Variants in CAPN3 observed in about 807,000 individuals in gnomAD.
CAPN3 encodes calpain 3, also known as calpain-3.
CAPN3 carries 88 observed loss-of-function variants against 114.0 expected under a neutral mutation model. The observed-to-expected ratio is 0.77, with a 90% confidence interval of 0.65 to 0.92. The LOEUF (loss-of-function observed/expected upper bound fraction) is 0.92, where lower values mean the gene tolerates loss of function less well. Ranked by LOEUF, CAPN3 falls within the 40% of genes least tolerant of loss-of-function variation. The pLI is 0.00. For synonymous variants in CAPN3, 386 were observed against 382.9 expected, an observed-to-expected ratio of 1.01 and a Z score of -0.09; for missense variants, 1,028 against 1,069.0, an observed-to-expected ratio of 0.96 and a Z score of 0.53.
At chr15:42,403,256 G>A (rs367582677) in intron 13 of CAPN3, among the ~76,000 whole-genome samples, 151 of 152,346 alleles carry the variant, frequency 9.9e-4, no homozygotes, top group African/African-American at 3.4e-3. Context: ...TGCCTTCATG[G>A]AGCTTAATAT....
chr15:42,360,914 A>G (rs1043769478), intron 1 of CAPN3, among the ~76,000 whole-genome samples: 1 of 152,184 alleles, frequency 6.6e-6, no homozygotes, highest in South Asian at 2.1e-4. Context: ...TTTATTGAGC[A>G]TCTACTAGTG....
intron 1 of CAPN3, among the ~76,000 whole-genome samples, chr15:42,364,587 A>G (rs1419280520): frequency 6.6e-6 from 1 of 152,174 alleles, no homozygotes; most frequent in East Asian, 1.9e-4. Flanking sequence ...TGCTCCCCTC[A>G]TGGGCAGGGG....
intron 1 of CAPN3, among the ~76,000 whole-genome samples, chr15:42,367,152 G>A (rs2407707): frequency 0.16 from 24,986 of 152,064 alleles, 2,235 homozygotes; most frequent in South Asian, 0.26. Context: ...AATTCTTTCC[G>A]AGTGCTTGTG....
rs544692239 is a variant in CAPN3, at chr15:42,409,412, G to A, written c.1992+32G>A. ...ACCTCCAAGCCCAGGACGCCCACAG[G>A]TGCTTCCTTCTCTCCTGGATTAACT... On this transcript the variant is annotated intron_variant, in intron 17 of 23. Transcript: ENST00000397163. The A allele has an allele frequency of 1.7e-4, 262 of 1,578,864 alleles. 2 individuals carry two copies. The South Asian group carries it at 2.8e-3, about 17-fold the overall frequency.
intron 1 of CAPN3, among the ~76,000 whole-genome samples, chr15:42,374,986 A>ACTTT (rs2053050804): frequency 7.5e-6 from 1 of 133,988 alleles, no homozygotes; most frequent in African/African-American, 2.8e-5. Flanking sequence ...TTTAAATAAA[A>ACTTT]ATTTATTTAT....
Position 42,390,088 on chromosome 15 carries a change from C to A in CAPN3, c.937C>A (p.Pro313Thr). 1.2e-6 allele frequency: 2 copies of A among 1,614,148 alleles called. No homozygotes were observed. The highest frequency in any genetic ancestry group is 1.7e-6 in the Non-Finnish European group (2 of 1,180,016). Residue 313 changes from proline to threonine, a missense_variant, in exon 6 of 24, where the codon CCG (proline) becomes ACG (threonine). Pro to Thr is a conservative substitution (Grantham distance 38, BLOSUM62 -1). Transcript: ENST00000397163. ...DLDPRGSDER[P>T]TRTIIPVQYE... Reference sequence around the variant, plus strand: ...CGACCCCAGAGGCTCAGATGAAAGACCGACCCGGGTGTGTACACCTCCGAT... The same window carrying A: ...CGACCCCAGAGGCTCAGATGAAAGAACGACCCGGGTGTGTACACCTCCGAT...
rs760816682 is a variant in CAPN3, at chr15:42,404,119, C to T, written c.1782+342C>T. The T allele has an allele frequency of 1.9e-4, 94 of 485,082 alleles. 1 individual carries two copies. The highest frequency in any genetic ancestry group is 1.4e-3 in the South Asian group (91 of 64,802). 30.0% of individuals were successfully genotyped at this position (485,082 alleles called of 1,614,324 possible). On this transcript the variant is annotated intron_variant, in intron 14 of 23. Coordinates refer to ENST00000397163, the MANE Select transcript of CAPN3 (RefSeq NM_000070.3). ...TCTGAGACTGGATAACATTGGATTT[C>T]ACACATAGAGAAAAGAAAGTAAGCT... is the stretch of plus-strand genomic sequence containing the variant.
intron 8 of CAPN3, among the ~76,000 whole-genome samples, chr15:42,395,069 C>T (rs1342061126): frequency 1.3e-5 from 2 of 152,136 alleles, no homozygotes; most frequent in African/African-American, 4.8e-5. Flanking sequence ...CCCCTCGGCT[C>T]CTGTACTTAT....
intron 23 of CAPN3, 59 bp from the exon 24 acceptor site, chr15:42,411,688 C>G (rs946244874): frequency 0.01 from 4,728 of 454,802 alleles, no homozygotes; most frequent in Admixed American, 0.015. Context: ...ATTCCTAGGG[C>G]GGGGGGGGGG....
intron 1 of CAPN3, among the ~76,000 whole-genome samples, chr15:42,363,493 A>G (rs972292734): frequency 1.3e-5 from 2 of 152,098 alleles, no homozygotes; most frequent in Non-Finnish European, 2.9e-5. Context: ...TCTCCTTCCC[A>G]TGGTGGGTTT....
In CAPN3 at chr15:42,379,855, G is replaced by A. The variant is rs572441897; in HGVS notation, c.310-4628G>A. ...TTCTTGGCCAGGCATGGTGGCTCAC[G>A]CCTGTAATCCCAGCACTTTGGGAGG... On this transcript the variant is annotated intron_variant, in intron 1 of 23. Transcript: ENST00000397163. Among the ~76,000 whole-genome samples, 7 of 151,786 alleles carry A rather than the reference G, an allele frequency of 4.6e-5. No individual in the cohort carries two copies. In the East Asian group the frequency reaches 5.8e-4, roughly 13 times the overall value.
chr15:42,401,205 AGT>A (rs1281842377), intron 10 of CAPN3, among the ~76,000 whole-genome samples: 1 of 151,812 alleles, frequency 6.6e-6, no homozygotes. Flanking sequence ...AAAAAAAAAA[AGT>A]GAGAGAGATT....
rs554823484 is a variant in CAPN3 at position 42,379,323 on chromosome 15, T to A, written c.310-5160T>A. ...GGGACTCTGTCTCAAAAAAAAAAAA[T>A]TGGTTAAGGTGTGTTTTATGGCTCA... On this transcript the variant is annotated intron_variant, in intron 1 of 23. Transcript: ENST00000397163. Among the ~76,000 whole-genome samples the A allele has an allele frequency of 7.3e-4, 110 of 151,662 alleles. 2 individuals carry two copies. In the South Asian group the frequency reaches 0.014, roughly 19 times the overall value.
Position 42,408,302 on chromosome 15 carries a change from A to G in CAPN3, c.1892A>G (p.Asp631Gly). Reference sequence around the variant, plus strand: ...GAGGGCAAAGGCAAAACAAGCCCTGATAAGCAAAAGCAGTCCCCACAGGTG... The same window carrying G: ...GAGGGCAAAGGCAAAACAAGCCCTGGTAAGCAAAAGCAGTCCCCACAGGTG... ...SEEGKGKTSPDKQKQSPQPQP... is the reference protein window; with the variant it reads ...SEEGKGKTSPGKQKQSPQPQP... Residue 631 changes from aspartate (D) to glycine (G), a missense_variant, in exon 16 of 24, where the codon GAT (aspartate) becomes GGT (glycine). By Grantham distance (94) the Asp-to-Gly change is moderately conservative. Coordinates refer to ENST00000397163, the MANE Select transcript of CAPN3 (RefSeq NM_000070.3). The G allele has an allele frequency of 6.2e-7, 1 of 1,613,284 alleles. No individual in the cohort carries two copies. The highest frequency in any genetic ancestry group is 2.2e-5 in the East Asian group (1 of 44,860).
At position 42,393,815 on chromosome 15, in the gene CAPN3, G is replaced by A. The variant is rs996320107; in HGVS notation, c.1030-441G>A. 4.0e-5 allele frequency among the ~76,000 whole-genome samples: 6 copies of A among 151,570 alleles called. No homozygotes were observed. The South Asian group carries it at 6.3e-4, about 16-fold the overall frequency. On this transcript the variant is annotated intron_variant, in intron 7 of 23. Transcript: ENST00000397163. ...TCTCCATGTTGATCAGGCTGGTCTC[G>A]AACTCCTGACCTCGTGATCCGCCCA...
At chr15:42,409,147 C>T in intron 16 of CAPN3, 156 bp from the exon 17 acceptor site, 3 of 697,598 alleles carry the variant, frequency 4.3e-6, no homozygotes, top group Non-Finnish European at 5.3e-6. Context: ...CGATGCATCT[C>T]ACTCCAGCTC....
intron 1 of CAPN3, among the ~76,000 whole-genome samples, chr15:42,372,411 G>A (rs1442571981): frequency 6.6e-6 from 1 of 152,174 alleles, no homozygotes; most frequent in African/African-American, 2.4e-5. Context: ...CCCTACCCTT[G>A]GCCTCCCAAA....
intron 3 of CAPN3, 126 bp downstream of exon 3, chr15:42,386,411 A>C (rs12438453): frequency 1.3e-6 from 1 of 779,120 alleles, no homozygotes; most frequent in Non-Finnish European, 2.3e-6. Flanking sequence ...AACAGTCGGC[A>C]TGGACCCCCT....
chr15:42,385,531 C>CAGAGAG (rs751078121), intron 2 of CAPN3: 47 of 361,172 alleles, frequency 1.3e-4, no homozygotes, highest in East Asian at 8.1e-4. Context: ...TATACACACA[C>CAGAGAG]AGAGAGAGAG....
Sources: allele counts gnomAD v4.1 joint callset (sites outside exome capture counted in the v4.1 genomes callset), GRCh38; gene constraint gnomAD v4.1.1; transcripts MANE v1.5; gene names NCBI Gene and HGNC (gene_info 2026-07-23, HGNC 2026-07-21).